ANKAR: variants seen among roughly 807,000 people sequenced by gnomAD.
ANKAR encodes ankyrin and armadillo repeat-containing protein.
In ANKAR, 136 loss-of-function variants were observed where a neutral mutation model predicts 146.2. That is an observed-to-expected ratio of 0.93 (90% confidence interval 0.81 to 1.07). ANKAR has a LOEUF of 1.07. Ranked by LOEUF, ANKAR falls within the 50% of genes least tolerant of loss-of-function variation. The pLI is 0.00. For synonymous variants in ANKAR, 500 were observed against 575.8 expected, an observed-to-expected ratio of 0.87 and a Z score of 1.88; for missense variants, 1,567 against 1,679.9, an observed-to-expected ratio of 0.93 and a Z score of 1.18.
intron 5 of ANKAR, among the ~76,000 whole-genome samples, chr2:189,694,085 C>T (rs971060467): frequency 6.6e-6 from 1 of 151,440 alleles, no homozygotes; most frequent in African/African-American, 2.4e-5. Context: ...TAAAAGCTAG[C>T]CAGGCTAGGT....
At position 189,676,729 on chromosome 2, in the gene ANKAR, TCTC is replaced by T. The variant is rs1432458255; in HGVS notation, c.241_243del (p.Ser81del). Reference sequence around the variant, plus strand: ...ATGAGTCAAATGAATAACGTAGGCTTCTCCACTGCAATCCTACTGACTCCCGTG... The same window carrying T: ...ATGAGTCAAATGAATAACGTAGGCTTCACTGCAATCCTACTGACTCCCGTG... On this transcript the variant is annotated inframe_deletion, in exon 2 of 23. Transcript: ENST00000684021. 1 of 1,614,174 alleles carries T rather than the reference TCTC, an allele frequency of 6.2e-7. No individual in the cohort carries two copies. The highest frequency in any genetic ancestry group is 1.7e-5 in the Admixed American group (1 of 60,014).
Position 189,694,359 on chromosome 2 carries a change from A to G in ANKAR, c.1308-622A>G, listed in dbSNP as rs552257948. Reference sequence around the variant, plus strand: ...AAGTATTCACCGCTGAAATCCGGGCATGGGAAGGGTACCTCATGGGGGGAA... The same window carrying G: ...AAGTATTCACCGCTGAAATCCGGGCGTGGGAAGGGTACCTCATGGGGGGAA... On this transcript the variant is annotated intron_variant, in intron 5 of 22. Transcript: ENST00000684021. Among the ~76,000 whole-genome samples, 4 of 152,340 alleles carry G rather than the reference A, an allele frequency of 2.6e-5. No homozygotes were observed. The East Asian group carries it at 7.7e-4, about 29-fold the overall frequency.
At chr2:189,696,860 A>C (rs550745737) in intron 7 of ANKAR, among the ~76,000 whole-genome samples, 24 of 152,328 alleles carry the variant, frequency 1.6e-4, no homozygotes, top group African/African-American at 5.5e-4. Flanking sequence ...AACAGGGAAT[A>C]GTTTCTTTAT....
At chr2:189,700,928 A>C (rs952847560) in intron 7 of ANKAR, among the ~76,000 whole-genome samples, 1 of 152,144 alleles carries the variant, frequency 6.6e-6, no homozygotes, top group Non-Finnish European at 1.5e-5. Flanking sequence ...AATTTTCTCT[A>C]TCCACTCATC....
chr2:189,714,619 G>A (rs2040165999), intron 10 of ANKAR, among the ~76,000 whole-genome samples: 1 of 152,168 alleles, frequency 6.6e-6, no homozygotes, highest in South Asian at 2.1e-4. Context: ...GCACTGCGTA[G>A]AGGGAAATTT....
At chr2:189,742,565 GTAAT>G (rs2105898176) in intron 20 of ANKAR, among the ~76,000 whole-genome samples, 1 of 152,060 alleles carries the variant, frequency 6.6e-6, no homozygotes, top group African/African-American at 2.4e-5. Context: ...TTTTTTTAAA[GTAAT>G]AAATAAATAA....
intron 18 of ANKAR, among the ~76,000 whole-genome samples, chr2:189,760,590 A>T (rs955686987): frequency 7.9e-5 from 12 of 152,224 alleles, no homozygotes; most frequent in African/African-American, 2.9e-4. Flanking sequence ...CAGGAGATTG[A>T]GACCATCCTG....
intron 7 of ANKAR, among the ~76,000 whole-genome samples, chr2:189,702,974 T>G (rs114676880): frequency 0.019 from 2,849 of 152,284 alleles, 88 homozygotes; most frequent in African/African-American, 0.064. Flanking sequence ...AAAGTGAAAG[T>G]GCACTATTAA....
chr2:189,720,067 G>A (rs2041052557), intron 11 of ANKAR, among the ~76,000 whole-genome samples: 1 of 152,106 alleles, frequency 6.6e-6, no homozygotes, highest in Non-Finnish European at 1.5e-5. Context: ...CAATTACAGT[G>A]CAGTGTCTAC....
chr2:189,760,661 C>G (rs985290669), intron 18 of ANKAR, among the ~76,000 whole-genome samples: 10 of 151,312 alleles, frequency 6.6e-5, no homozygotes, highest in Non-Finnish European at 1.5e-4. Context: ...CGTGGTGGCA[C>G]GTGCCTGTAA....
intron 2 of ANKAR, among the ~76,000 whole-genome samples, chr2:189,683,864 G>C (rs1344155871): frequency 6.6e-6 from 1 of 152,234 alleles, no homozygotes; most frequent in African/African-American, 2.4e-5. Context: ...TCAGAGGGCA[G>C]ACTGCTGGGA....
In ANKAR at chr2:189,738,665, C is replaced by T; in HGVS notation, c.3683C>T (p.Ser1228Phe). 2 of 1,595,564 alleles carry T rather than the reference C, an allele frequency of 1.3e-6. No individual in the cohort carries two copies. Among genetic ancestry groups the T allele is most frequent in the Non-Finnish European group, 1.7e-6 (2 of 1,168,988 alleles). Residue 1228 changes from serine to phenylalanine, a missense_variant, in exon 19 of 23, where the codon TCT becomes TTT. Transcript: ENST00000684021. Reference protein sequence around the residue: ...LVDSLYSVQTSTIVLTGNLIA... With the variant: ...LVDSLYSVQTFTIVLTGNLIA... ...GATAGTCTGTATTCAGTTCAGACTT[C>T]TACTATTGTCTTGACAGGTAAGAAA... is the stretch of plus-strand genomic sequence containing the variant.
intron 12 of ANKAR, among the ~76,000 whole-genome samples, chr2:189,721,313 CT>C (rs2041206627): frequency 6.6e-6 from 1 of 151,722 alleles, no homozygotes; most frequent in African/African-American, 2.4e-5. Context: ...AACTGCTGGG[CT>C]TATAAAAATA....
chr2:189,762,660 G>A (rs917492833), downstream of ANKAR: 2 of 985,346 alleles, frequency 2.0e-6, no homozygotes, highest in African/African-American at 3.5e-5. Flanking sequence ...CGTCAGTGGG[G>A]TGAAGAGTGA....
At chr2:189,730,223 A>T (rs1026531038) in intron 15 of ANKAR, among the ~76,000 whole-genome samples, 1 of 152,214 alleles carries the variant, frequency 6.6e-6, no homozygotes, top group African/African-American at 2.4e-5. Flanking sequence ...AGCTATTAGT[A>T]TTCCTTGGTA....
In ANKAR at chr2:189,700,323, G is replaced by T. The variant is rs940163777; in HGVS notation, c.1708+3954G>T. 3.3e-5 allele frequency among the ~76,000 whole-genome samples: 5 copies of T among 152,088 alleles called. No individual in the cohort carries two copies. In the East Asian group the frequency reaches 9.7e-4, roughly 29 times the overall value. On this transcript the variant is annotated intron_variant, in intron 7 of 22. Coordinates refer to ENST00000684021, the MANE Select transcript of ANKAR (RefSeq NM_001378068.1). ...TTGCATAGTTTCTGAGGAGAACTTG[G>T]GTATAATTCTTATTTTTGCTTCTCT...
chr2:189,717,333 A>G (rs1383376641), intron 10 of ANKAR, among the ~76,000 whole-genome samples: 1 of 152,242 alleles, frequency 6.6e-6, no homozygotes, highest in Non-Finnish European at 1.5e-5. Flanking sequence ...GACACATGAA[A>G]AAACGCTCAT....
Position 189,689,446 on chromosome 2 carries a change from C to G in ANKAR, c.602-81C>G. The G allele has an allele frequency of 5.2e-6, 6 of 1,156,596 alleles. No individual in the cohort carries two copies. The South Asian group carries it at 9.4e-5, about 18-fold the overall frequency. 71.6% of individuals were successfully genotyped at this position (1,156,596 alleles called of 1,614,324 possible). On this transcript the variant is annotated intron_variant, in intron 2 of 22. Transcript: ENST00000684021. The stretch of plus-strand genomic sequence containing the variant: ...TGATAGTAGGATTTCATGATAAAAT[C>G]CTGTGTTCAATCTTCTGTATTTATC...
intron 6 of ANKAR, among the ~76,000 whole-genome samples, chr2:189,695,395 G>A (rs530372425): frequency 1.7e-4 from 26 of 152,310 alleles, no homozygotes; most frequent in African/African-American, 6.0e-4. Context: ...TATACGTATT[G>A]ATTGCTTATT....
Sources: allele counts gnomAD v4.1 joint callset (sites outside exome capture counted in the v4.1 genomes callset), GRCh38; gene constraint gnomAD v4.1.1; transcripts MANE v1.5; gene names NCBI Gene and HGNC (gene_info 2026-07-23, HGNC 2026-07-21).